Variants in GLIS2 observed in about 807,000 individuals in gnomAD.
The protein encoded by GLIS2 is GLIS family zinc finger 2, also known as zinc finger protein GLIS2.
GLIS2 carries 14 observed loss-of-function variants against 35.6 expected under a neutral mutation model. The observed-to-expected ratio is 0.39, with a 90% CI of 0.26 to 0.61. The LOEUF (loss-of-function observed/expected upper bound fraction) is 0.61, where lower values mean the gene tolerates loss of function less well. Ranked by LOEUF, GLIS2 falls within the 20% of genes least tolerant of loss-of-function variation. GLIS2 has a pLI of 0.48. For missense variants in GLIS2, 675 were observed against 713.4 expected (o/e 0.95, Z 0.61); for synonymous variants, 368 against 325.1 (o/e 1.13, Z -1.42).
chr16:4,332,393 G>A lies in GLIS2; in HGVS notation c.113G>A (p.Arg38Lys), dbSNP rs1369866146. Residue 38 changes from arginine (R) to lysine (K), a missense_variant, in exon 2 of 7, where the codon AGG (arginine) becomes AAG (lysine). By Grantham distance (26) the Arg-to-Lys change is conservative (BLOSUM62 2). Around this residue, in one of 3 missense-constraint regions of GLIS2, gnomAD observed 225 missense variants for 238.7 expected, o/e 0.94. Coordinates refer to ENST00000433375, the MANE Select transcript of GLIS2 (RefSeq NM_032575.3). This position sits in a 1 kb window ranked among gnomAD's most constrained non-coding sequence, Gnocchi z 5.4. ...GTGGTCCGGCCCCGTGCTCTGCACA[G>A]GGAGCTGGGCCTGGTGGATGACAGC... ...LGVVRPRALH[R>K]ELGLVDDSPT... The A allele has an allele frequency of 1.1e-5, 17 of 1,612,936 alleles. No homozygotes were observed. The highest frequency in any genetic ancestry group is 4.0e-5 in the African/African-American group (3 of 75,050).
intron 6 of GLIS2, chr16:4,336,189 C>T (rs1307432495): frequency 4.6e-6 from 1 of 216,390 alleles, no homozygotes; most frequent in East Asian, 1.1e-4. Context: ...CTCTGTCACC[C>T]AGGCTGGAGT....
At chr16:4,317,611 C>G (rs571809621) in intron 1 of GLIS2, among the ~76,000 whole-genome samples, 2 of 152,210 alleles carry the variant, frequency 1.3e-5, no homozygotes, top group African/African-American at 4.8e-5. Flanking sequence ...CTCTGCTTCT[C>G]CTTCTCCCCA....
chr16:4,333,627 C>T lies in GLIS2; in HGVS notation c.345+108C>T, dbSNP rs117569188. ...TTTAAAAAACAGATGTGTTACCCCT[C>T]ATAATTCTGGAGGCTGGAGTCTACC... On this transcript the variant is annotated intron_variant, in intron 3 of 6. Transcript: ENST00000433375. 5,714 of 1,246,490 alleles carry T rather than the reference C, an allele frequency of 4.6e-3. 24 individuals carry two copies. The highest frequency in any genetic ancestry group is 5.7e-3 in the Non-Finnish European group (5,221 of 913,334). The allele number at this position is 1,246,490 out of a possible 1,614,324, so 77.2% of individuals were successfully genotyped here.
rs74402288 is a variant in GLIS2, at chr16:4,329,425, G to C, written c.-66-2790G>C. ...GGCGAATCGCAGACCTAGGTCCCAC[G>C]GCCTAGTGCAGCTGCCCTGGCTCTG... On this transcript the variant is annotated intron_variant, in intron 1 of 6. Coordinates refer to ENST00000433375, the MANE Select transcript of GLIS2 (RefSeq NM_032575.3). Among the ~76,000 whole-genome samples, 1,116 of 152,326 alleles carry C rather than the reference G, an allele frequency of 7.3e-3. 20 individuals carry two copies. Among genetic ancestry groups the C allele is most frequent in the African/African-American group, 0.025 (1,054 of 41,570 alleles).
chr16:4,329,328 C>T (rs547686783), intron 1 of GLIS2, among the ~76,000 whole-genome samples: 41 of 152,268 alleles, frequency 2.7e-4, no homozygotes, highest in South Asian at 6.2e-4. Context: ...CCTACCCCAC[C>T]GCATCTCTGG....
chr16:4,321,449 A>T (rs369305370), intron 1 of GLIS2, among the ~76,000 whole-genome samples: 1 of 152,224 alleles, frequency 6.6e-6, no homozygotes, highest in Non-Finnish European at 1.5e-5. Context: ...GAATGAATAC[A>T]TGAATGAGAC....
intron 1 of GLIS2, among the ~76,000 whole-genome samples, chr16:4,317,869 C>A (rs1307284559): frequency 1.3e-5 from 2 of 152,188 alleles, no homozygotes; most frequent in Non-Finnish European, 2.9e-5. Context: ...CCTCCTCCCC[C>A]TCCTTTCCGG....
chr16:4,333,559 GT>G (rs1186264541), intron 3 of GLIS2, 40 bp downstream of exon 3: 21 of 1,572,138 alleles, frequency 1.3e-5, no homozygotes, highest in South Asian at 6.8e-5. Flanking sequence ...GGGTGGACTG[GT>G]TTCCTGGGGT....
chr16:4,317,457 C>T (rs529424537), intron 1 of GLIS2, among the ~76,000 whole-genome samples: 139 of 152,230 alleles, frequency 9.1e-4, no homozygotes, highest in African/African-American at 3.1e-3. Context: ...CACTGCGCTT[C>T]GGAGGGCCTT....
intron 1 of GLIS2, among the ~76,000 whole-genome samples, chr16:4,322,108 G>C (rs551038130): frequency 6.6e-6 from 1 of 152,080 alleles, no homozygotes; most frequent in South Asian, 2.1e-4. Flanking sequence ...ATGGTGGTGA[G>C]GGAGGAGCTG....
At position 4,320,779 on chromosome 16, in the gene GLIS2, G is replaced by A. The variant is rs906481055; in HGVS notation, c.-67+4525G>A. 1.3e-5 allele frequency among the ~76,000 whole-genome samples: 2 copies of A among 151,914 alleles called. No homozygotes were observed. Among genetic ancestry groups the A allele is most frequent in the Admixed American group, 6.6e-5 (1 of 15,254 alleles). The stretch of plus-strand genomic sequence containing the variant: ...CTCTGAGCTGGGATGTCCCCTCCCC[G>A]CAAGGCTGTAGGGGCCTCCATTGTC... On this transcript the variant is annotated intron_variant, in intron 1 of 6. Coordinates refer to ENST00000433375, the MANE Select transcript of GLIS2 (RefSeq NM_032575.3). The surrounding 1 kb of genome is among the most constrained non-coding windows in gnomAD (Gnocchi z 5.6).
rs1450610774 is a variant in GLIS2, at chr16:4,337,636, A to T, written c.*112A>T. ...AATGTCCTACTGCCCGGGCAGCCCCAGCCCAGCCCGCCGGGAGCAAGGATG... is the reference window on the plus strand; with the variant it reads ...AATGTCCTACTGCCCGGGCAGCCCCTGCCCAGCCCGCCGGGAGCAAGGATG... On this transcript the variant is annotated 3_prime_UTR_variant, in exon 7 of 7. Transcript: ENST00000433375. 1 of 1,459,878 alleles carries T rather than the reference A, an allele frequency of 6.8e-7. No individual in the cohort carries two copies. Among genetic ancestry groups the T allele is most frequent in the Non-Finnish European group, 9.3e-7 (1 of 1,080,094 alleles). 90.4% of individuals were successfully genotyped at this position (1,459,878 alleles called of 1,614,324 possible).
chr16:4,329,397 A>G (rs1596238048), intron 1 of GLIS2, among the ~76,000 whole-genome samples: 2 of 142,438 alleles, frequency 1.4e-5, no homozygotes, highest in African/African-American at 5.1e-5. Flanking sequence ...CAGCTCCAAC[A>G]GGGGCGAATC....
At chr16:4,326,432 G>A (rs61747452) in intron 1 of GLIS2, 8,174 of 152,276 alleles carry the variant, frequency 0.054, 418 homozygotes, top group African/African-American at 0.13. Context: ...TCACTCACCT[G>A]ACCCCATGCT....
At position 4,337,954 on chromosome 16, in the gene GLIS2, A is replaced by T; in HGVS notation, c.*430A>T. ...CACCAGGCTCCCCCTTCCTGAGAGG[A>T]GCCCCCAGGGACCAGAGGCCTGCCC... On this transcript the variant is annotated 3_prime_UTR_variant, in exon 7 of 7. Transcript: ENST00000433375. 3.1e-6 allele frequency: 1 copy of T among 322,676 alleles called. No individual in the cohort carries two copies. The highest frequency in any genetic ancestry group is 6.0e-6 in the Non-Finnish European group (1 of 167,950). 20.0% of individuals were successfully genotyped at this position (322,676 alleles called of 1,614,324 possible). A position where few individuals can be genotyped will look rare whatever the true frequency, so the allele number is the denominator to read the frequency against.
upstream of GLIS2, among the ~76,000 whole-genome samples, chr16:4,315,641 T>C (rs2053299383): frequency 6.8e-6 from 1 of 146,678 alleles, no homozygotes; most frequent in East Asian, 2.1e-4. Flanking sequence ...GTCCTAGCGC[T>C]GCCCTCGGGC....
At chr16:4,331,816 G>T (rs1298788453) in intron 1 of GLIS2, 1 of 237,474 alleles carries the variant, frequency 4.2e-6, no homozygotes, top group Admixed American at 5.0e-5. Flanking sequence ...GCCAGGAGCG[G>T]TGCCTGCCTG....
chr16:4,335,381 CG>C lies in GLIS2; in HGVS notation c.765del (p.Ser256ArgfsTer268). Reference sequence around the variant, plus strand: ...CCTGGAGAACCTGAAGATCCACAACCGGTCGCACACAGGTAAGAGGCCGGGG... The same window carrying C: ...CCTGGAGAACCTGAAGATCCACAACCGTCGCACACAGGTAAGAGGCCGGGG... ...SRLENLKIHN[R>X]SHTGEKPYVC... On this transcript the variant is annotated frameshift_variant, in exon 6 of 7. Transcript: ENST00000433375. LOFTEE classifies it high-confidence loss of function. This position sits in a 1 kb window ranked among gnomAD's most constrained non-coding sequence, Gnocchi z 4.6. 1 of 1,613,620 alleles carries C rather than the reference CG, an allele frequency of 6.2e-7. No homozygotes were observed. The highest frequency in any genetic ancestry group is 8.5e-7 in the Non-Finnish European group (1 of 1,180,012).
Position 4,335,726 on chromosome 16 carries a change from T to A in GLIS2, c.775+333T>A, listed in dbSNP as rs192502128. 1.2e-3 allele frequency: 427 copies of A among 346,810 alleles called. 2 individuals carry two copies. Among genetic ancestry groups the A allele is most frequent in the Non-Finnish European group, 8.1e-4 (151 of 185,596 alleles). 21.5% of individuals were successfully genotyped at this position (346,810 alleles called of 1,614,324 possible). A position where few individuals can be genotyped will look rare whatever the true frequency, so the allele number is the denominator to read the frequency against. On this transcript the variant is annotated intron_variant, in intron 6 of 6. Coordinates refer to ENST00000433375, the MANE Select transcript of GLIS2 (RefSeq NM_032575.3). This position sits in a 1 kb window ranked among gnomAD's most constrained non-coding sequence, Gnocchi z 4.6. ...CAGGCCCATACCAGGACAGCTCTGG[T>A]TGTCAGAGCCACAGACATAATTTTA...
Sources: allele counts gnomAD v4.1 joint callset (sites outside exome capture counted in the v4.1 genomes callset), GRCh38; gene constraint gnomAD v4.1.1; regional missense constraint gnomAD v4.1.1; non-coding constraint Gnocchi (gnomAD v3.1); transcripts MANE v1.5; gene names NCBI Gene and HGNC (gene_info 2026-07-23, HGNC 2026-07-21).